Variants in AGMO observed in about 807,000 individuals in gnomAD.
AGMO encodes alkylglycerol monooxygenase.
A neutral mutation model predicts 60.2 loss-of-function variants in AGMO; 75 were observed. The ratio of observed to expected loss-of-function variants is 1.25; its 90% CI spans 1.03 to 1.51. The LOEUF is 1.51. Ranked by LOEUF, AGMO falls within the 40% of genes most tolerant of loss-of-function variation. AGMO has a pLI of 0.00. For missense variants in AGMO, 763 were observed against 525.5 expected, an observed-to-expected ratio of 1.45 and a Z score of -4.42; for synonymous variants, 261 against 177.1, an observed-to-expected ratio of 1.47 and a Z score of -3.76.
At chr7:15,371,200 TATTA>T (rs1432728701) in intron 10 of AGMO, among the ~76,000 whole-genome samples, 1 of 151,704 alleles carries the variant, frequency 6.6e-6, no homozygotes, top group South Asian at 2.1e-4. Flanking sequence ...AATAATTTAA[TATTA>T]AATATTTAAT....
intron 2 of AGMO, among the ~76,000 whole-genome samples, chr7:15,548,395 G>C (rs1784849040): frequency 6.6e-6 from 1 of 151,386 alleles, no homozygotes; most frequent in Non-Finnish European, 1.5e-5. Flanking sequence ...TCAAACCAAA[G>C]GCAAAGAAGT....
the AGMO span, among the ~76,000 whole-genome samples, chr7:15,118,415 G>C: frequency 6.6e-6 from 1 of 151,616 alleles, no homozygotes; most frequent in Non-Finnish European, 1.5e-5. Context: ...ATTCTCCAGG[G>C]AGCAATTTTT....
chr7:15,259,834 A>G (rs1007707598), intron 12 of AGMO, among the ~76,000 whole-genome samples: 2 of 144,174 alleles, frequency 1.4e-5, no homozygotes, highest in African/African-American at 5.2e-5. Flanking sequence ...GCAAAGATAC[A>G]GTCTTTTCCA....
intron 12 of AGMO, among the ~76,000 whole-genome samples, chr7:15,339,554 G>T (rs900206426): frequency 2.0e-5 from 3 of 152,146 alleles, no homozygotes; most frequent in Non-Finnish European, 2.9e-5. Context: ...TTATATGTCA[G>T]AAATGAGTTT....
chr7:15,325,054 T>C (rs1781294658), intron 12 of AGMO, among the ~76,000 whole-genome samples: 1 of 152,218 alleles, frequency 6.6e-6, no homozygotes, highest in Admixed American at 6.5e-5. Context: ...TAACATGCTT[T>C]GAAAACCCCT....
chr7:15,338,542 C>A (rs1781734671), intron 12 of AGMO, among the ~76,000 whole-genome samples: 1 of 152,054 alleles, frequency 6.6e-6, no homozygotes, highest in Admixed American at 6.6e-5. Flanking sequence ...TTCCTCTTTC[C>A]CCAGTGCAGT....
At chr7:15,345,390 G>A (rs1053282012) in intron 12 of AGMO, among the ~76,000 whole-genome samples, 2 of 152,134 alleles carry the variant, frequency 1.3e-5, no homozygotes, top group African/African-American at 2.4e-5. Context: ...ATACCCTTCA[G>A]TTGTGAAAGC....
chr7:15,354,326 GTA>G (rs1491438891), intron 12 of AGMO, among the ~76,000 whole-genome samples: 1,729 of 31,252 alleles, frequency 0.055, 181 homozygotes, highest in African/African-American at 0.11. Flanking sequence ...GTGTATATAC[GTA>G]CGCGTGTATA....
At chr7:15,174,684 T>C in the AGMO span, among the ~76,000 whole-genome samples, 3 of 152,002 alleles carry the variant, frequency 2.0e-5, no homozygotes, top group South Asian at 2.1e-4. Context: ...TAGTTAAAGA[T>C]AGAATGGAGT....
chr7:15,219,565 G>T (rs764204828), intron 12 of AGMO, among the ~76,000 whole-genome samples: 1 of 152,100 alleles, frequency 6.6e-6, no homozygotes, highest in East Asian at 1.9e-4. Context: ...AAAGAGTAAA[G>T]AAGGATAAGG....
At chr7:15,317,935 A>T (rs1339525846) in intron 12 of AGMO, among the ~76,000 whole-genome samples, 1 of 144,552 alleles carries the variant, frequency 6.9e-6, no homozygotes, top group Non-Finnish European at 1.5e-5. Context: ...ACGTATATAT[A>T]TATATACACA....
At chr7:15,120,339 T>C in the AGMO span, among the ~76,000 whole-genome samples, 15 of 152,244 alleles carry the variant, frequency 9.9e-5, no homozygotes, top group East Asian at 1.5e-3. Context: ...ATCAGAAGCG[T>C]TTGACCCTGA....
chr7:15,320,220 C>T lies in AGMO; in HGVS notation c.1263+45294G>A, dbSNP rs139581180. Reference sequence around the variant, plus strand: ...GGCACACGTATACATATGTAACAAACCTGCACGTTTTACACATGTACCCTA... The same window carrying T: ...GGCACACGTATACATATGTAACAAATCTGCACGTTTTACACATGTACCCTA... On this transcript the variant is annotated intron_variant, in intron 12 of 12. Transcript: ENST00000342526. Among the ~76,000 whole-genome samples, 556 of 151,856 alleles carry T rather than the reference C, an allele frequency of 3.7e-3. 4 individuals carry two copies. The highest frequency in any genetic ancestry group is 0.013 in the African/African-American group (523 of 41,432).
intron 12 of AGMO, among the ~76,000 whole-genome samples, chr7:15,351,925 CAT>C (rs1415915638): frequency 1.7e-4 from 26 of 152,270 alleles, no homozygotes; most frequent in African/African-American, 6.3e-4. Context: ...TACACAGTAA[CAT>C]ATGAATTCGG....
chr7:15,390,863 A>G lies in AGMO; in HGVS notation c.719T>C (p.Leu240Pro). Reference sequence around the variant, plus strand: ...ACCAAAAATTTTATCCCAAATAATAAGAACACCAGCATAATTTTTGTCTAT... The same window carrying G: ...ACCAAAAATTTTATCCCAAATAATAGGAACACCAGCATAATTTTTGTCTAT... ...YCIDKNYAGV[L>P]IIWDKIFGTF... The change falls in exon 7 of 13, where the codon CTT becomes CCT. Residue 240 changes from leucine to proline, a missense_variant. Physicochemically the swap from Leu to Pro is moderately conservative, Grantham distance 98 (BLOSUM62 -3). Transcript: ENST00000342526. The G allele has an allele frequency of 6.2e-7, 1 of 1,605,484 alleles. No individual in the cohort carries two copies. The highest frequency in any genetic ancestry group is 1.1e-5 in the South Asian group (1 of 89,030).
chr7:15,448,767 T>C (rs1164291007), intron 3 of AGMO, among the ~76,000 whole-genome samples: 2 of 152,178 alleles, frequency 1.3e-5, no homozygotes, highest in Non-Finnish European at 2.9e-5. Flanking sequence ...AAAAAATGTG[T>C]GCAGTCAGCT....
chr7:15,485,627 G>A (rs981404549), intron 3 of AGMO, among the ~76,000 whole-genome samples: 11 of 152,062 alleles, frequency 7.2e-5, no homozygotes, highest in East Asian at 1.9e-4. Context: ...CCATGTTTGC[G>A]GGGGAGTCTT....
intron 12 of AGMO, among the ~76,000 whole-genome samples, chr7:15,293,310 C>A (rs1784325012): frequency 6.6e-6 from 1 of 152,012 alleles, no homozygotes; most frequent in African/African-American, 2.4e-5. Context: ...TACAATGAAA[C>A]ACTAAAACTA....
At chr7:15,211,774 C>G (rs892576951) in intron 12 of AGMO, among the ~76,000 whole-genome samples, 1 of 151,874 alleles carries the variant, frequency 6.6e-6, no homozygotes, top group African/African-American at 2.4e-5. Flanking sequence ...TTATACAGAT[C>G]TTTTTCAGGG....
Sources: gnomAD v4.1 joint callset for allele counts (sites outside exome capture counted in the v4.1 genomes callset) on GRCh38, gnomAD v4.1.1 for gene constraint, MANE v1.5 for transcripts, NCBI Gene and HGNC (gene_info 2026-07-23, HGNC 2026-07-21) for gene names.